Variants in STIM1 observed in about 807,000 individuals in gnomAD.
STIM1 encodes stromal interaction molecule 1.
In STIM1, 25 loss-of-function variants were observed where a neutral mutation model predicts 74.7. The observed-to-expected ratio is 0.33, with a 90% CI of 0.24 to 0.47. The LOEUF (loss-of-function observed/expected upper bound fraction) is 0.47, where lower values mean the gene tolerates loss of function less well. Among genes scored for constraint, STIM1 ranks in the 20% least tolerant of loss-of-function variants. The probability of loss-of-function intolerance (pLI) is 1.00; values close to 1 mark genes in which losing one functional copy is unlikely to be tolerated. For missense variants in STIM1, 728 were observed against 920.8 expected, an observed-to-expected ratio of 0.79 and a Z score of 2.71; for synonymous variants, 328 against 348.8, an observed-to-expected ratio of 0.94 and a Z score of 0.66.
chr11:4,052,874 A>T (rs943798476), intron 3 of STIM1, among the ~76,000 whole-genome samples: 2 of 152,230 alleles, frequency 1.3e-5, no homozygotes, highest in Non-Finnish European at 2.9e-5. Flanking sequence ...TCTACAAAGA[A>T]CTCAAACAAA....
chr11:3,958,901 A>T lies in STIM1; in HGVS notation c.140-8651A>T, dbSNP rs2093251883. 2.6e-5 allele frequency among the ~76,000 whole-genome samples: 4 copies of T among 151,354 alleles called. No homozygotes were observed. In the South Asian group the frequency reaches 8.4e-4, roughly 32 times the overall value. On this transcript the variant is annotated intron_variant, in intron 1 of 12. Coordinates refer to ENST00000526596, the MANE Select transcript of STIM1 (RefSeq NM_001382567.1). ...CAGAGGTTGCAGTGAGTCGAGATCA[A>T]GCTATTGCACTCCAGCCTGGGCCTG...
At chr11:3,983,876 T>G (rs1214035373) in intron 2 of STIM1, among the ~76,000 whole-genome samples, 1 of 151,718 alleles carries the variant, frequency 6.6e-6, no homozygotes, top group Non-Finnish European at 1.5e-5. Context: ...CTCCTTTCTT[T>G]TTTTTTTTTA....
At chr11:3,893,429 T>C (rs1402355145) in intron 1 of STIM1, among the ~76,000 whole-genome samples, 2 of 152,240 alleles carry the variant, frequency 1.3e-5, no homozygotes, top group Non-Finnish European at 2.9e-5. Context: ...ACTAGTTTGC[T>C]CATGCCGATT....
intron 2 of STIM1, among the ~76,000 whole-genome samples, chr11:3,990,670 A>G (rs1055952391): frequency 5.9e-5 from 9 of 152,178 alleles, no homozygotes; most frequent in Non-Finnish European, 1.0e-4. Context: ...ATATCTCATT[A>G]TGATTTTGAT....
chr11:3,899,150 A>G (rs2092275541), intron 1 of STIM1, among the ~76,000 whole-genome samples: 1 of 152,196 alleles, frequency 6.6e-6, no homozygotes, highest in African/African-American at 2.4e-5. Flanking sequence ...ACCCATGAGC[A>G]TGGAATGTTC....
rs187114254 is a variant in STIM1, at chr11:3,985,672, A to G, written c.270+17990A>G. On this transcript the variant is annotated intron_variant, in intron 2 of 12. Coordinates refer to ENST00000526596, the MANE Select transcript of STIM1 (RefSeq NM_001382567.1). ...TGCAGGTATCACCTAGCAGCCAGGA[A>G]TGGTCAAGCTAGCAGAGAGAGAAAA... Among the ~76,000 whole-genome samples, 4 of 152,348 alleles carry G rather than the reference A, an allele frequency of 2.6e-5. No individual in the cohort carries two copies. In the East Asian group the frequency reaches 7.7e-4, roughly 29 times the overall value.
In STIM1 at chr11:4,002,183, CAG is replaced by C. The variant is rs1250123018; in HGVS notation, c.271-21688_271-21687del. Among the ~76,000 whole-genome samples, 177 of 148,740 alleles carry C rather than the reference CAG, an allele frequency of 1.2e-3. 1 individual carries two copies. The highest frequency in any genetic ancestry group is 3.9e-3 in the African/African-American group (158 of 40,256). ...GTCAACATTAGACAGATCAACGAGA[CAG>C]AAAGTTAACAAGGATACCCAGGAAT... On this transcript the variant is annotated intron_variant, in intron 2 of 12. Transcript: ENST00000526596.
intron 1 of STIM1, among the ~76,000 whole-genome samples, chr11:3,955,265 G>T (rs918907019): frequency 6.6e-6 from 1 of 152,188 alleles, no homozygotes; most frequent in Non-Finnish European, 1.5e-5. Flanking sequence ...ATATTCTGGG[G>T]TGATGGAAAG....
At chr11:3,937,749 A>G (rs1422629151) in intron 1 of STIM1, among the ~76,000 whole-genome samples, 4 of 151,966 alleles carry the variant, frequency 2.6e-5, no homozygotes, top group African/African-American at 9.7e-5. Flanking sequence ...AACCTCCACA[A>G]TTTTCCATTT....
At chr11:3,896,313 T>A (rs1463937095) in intron 1 of STIM1, among the ~76,000 whole-genome samples, 1 of 152,202 alleles carries the variant, frequency 6.6e-6, no homozygotes, top group Non-Finnish European at 1.5e-5. Context: ...TTTAGTTTTC[T>A]CACATTTTGT....
chr11:3,914,526 CTG>C (rs2092613488), intron 1 of STIM1, among the ~76,000 whole-genome samples: 1 of 152,198 alleles, frequency 6.6e-6, no homozygotes, highest in Non-Finnish European at 1.5e-5. Context: ...ACTGCAATCT[CTG>C]CCTCTTGGGT....
rs1034905338 is a variant in STIM1, at chr11:4,018,474, A to C, written c.271-5399A>C. 1.8e-4 allele frequency among the ~76,000 whole-genome samples: 26 copies of C among 144,396 alleles called. 1 individual carries two copies. Among genetic ancestry groups the C allele is most frequent in the Middle Eastern group, 7.0e-3 (2 of 286 alleles). The allele number at this position is 144,396 out of a possible 152,430, so 94.7% of individuals were successfully genotyped here. ...ACTCCGTCTCAAAAAAAAAAAAAAAAAAAAAAAAAAAACAAACAAAATTAG... is the reference window on the plus strand; with the variant it reads ...ACTCCGTCTCAAAAAAAAAAAAAAACAAAAAAAAAAAACAAACAAAATTAG... On this transcript the variant is annotated intron_variant, in intron 2 of 12. Coordinates refer to ENST00000526596, the MANE Select transcript of STIM1 (RefSeq NM_001382567.1).
chr11:4,086,649 C>G (rs1399659888), intron 12 of STIM1, 106 bp downstream of exon 12: 1 of 1,559,896 alleles, frequency 6.4e-7, no homozygotes, highest in African/African-American at 1.4e-5. Context: ...GCTACGGGAC[C>G]AGCTCTCCAT....
intron 1 of STIM1, among the ~76,000 whole-genome samples, chr11:3,925,163 G>A (rs760913123): frequency 1.3e-5 from 2 of 152,172 alleles, no homozygotes; most frequent in African/African-American, 2.4e-5. Flanking sequence ...TTGGGAGGCC[G>A]ATGCAGGTGG....
chr11:4,021,971 C>A (rs1431120502), intron 2 of STIM1, among the ~76,000 whole-genome samples: 1 of 150,860 alleles, frequency 6.6e-6, no homozygotes, highest in Non-Finnish European at 1.5e-5. Context: ...TTTTTAATTT[C>A]TTTTTCAGAT....
Position 3,919,407 on chromosome 11 carries a change from C to A in STIM1, c.140-48145C>A, listed in dbSNP as rs75368767. ...TTTAGTAGAGACGGGGTTTCACCAT[C>A]TTGGCCAGGCTGGTCTCGAACTCCT... On this transcript the variant is annotated intron_variant, in intron 1 of 12. Coordinates refer to ENST00000526596, the MANE Select transcript of STIM1 (RefSeq NM_001382567.1). Among the ~76,000 whole-genome samples, 5 of 151,772 alleles carry A rather than the reference C, an allele frequency of 3.3e-5. No homozygotes were observed. In the South Asian group the frequency reaches 1.0e-3, roughly 31 times the overall value.
chr11:3,886,513 C>T (rs1330395163), intron 1 of STIM1, among the ~76,000 whole-genome samples: 1 of 150,624 alleles, frequency 6.6e-6, no homozygotes, highest in Non-Finnish European at 1.5e-5. Flanking sequence ...ATGGTGAAAC[C>T]CTGTCTCTAC....
chr11:3,887,462 T>C (rs1225078054), intron 1 of STIM1, among the ~76,000 whole-genome samples: 2 of 152,152 alleles, frequency 1.3e-5, no homozygotes, highest in Non-Finnish European at 2.9e-5. Context: ...AGGTATGTAA[T>C]AGACAGAGAT....
intron 2 of STIM1, chr11:3,974,125 C>T (rs571396684): frequency 5.2e-5 from 35 of 667,662 alleles, no homozygotes; most frequent in African/African-American, 3.2e-4. Context: ...GTGAGTGCTC[C>T]CTGTTGCTCA....
Sources: allele counts gnomAD v4.1 joint callset (sites outside exome capture counted in the v4.1 genomes callset), GRCh38; gene constraint gnomAD v4.1.1; transcripts MANE v1.5; gene names NCBI Gene and HGNC (gene_info 2026-07-23, HGNC 2026-07-21).